KAT6B: variants seen among roughly 807,000 people sequenced by gnomAD.
The protein encoded by KAT6B is histone acetyltransferase KAT6B.
Under a neutral mutation model 187.5 loss-of-function variants are expected in KAT6B, and 10 were observed. The ratio of observed to expected loss-of-function variants is 0.05; its 90% CI spans 0.03 to 0.09. The LOEUF (loss-of-function observed/expected upper bound fraction) is 0.09. KAT6B is among the 10% of genes least tolerant of loss of function. The probability of loss-of-function intolerance (pLI) is 1.00; values close to 1 mark genes in which losing one functional copy is unlikely to be tolerated. For synonymous variants in KAT6B, 861 were observed against 926.8 expected (o/e 0.93, Z 1.29); for missense variants, 1,952 against 2,558.9 (o/e 0.76, Z 5.12).
chr10:74,918,014 T>G (rs918747167), intron 3 of KAT6B, among the ~76,000 whole-genome samples: 1 of 152,180 alleles, frequency 6.6e-6, no homozygotes. Flanking sequence ...TGGCTTAAAT[T>G]TTTTTTAAAT....
At chr10:74,900,635 AG>A (rs1195696942) in intron 3 of KAT6B, among the ~76,000 whole-genome samples, 5 of 152,202 alleles carry the variant, frequency 3.3e-5, no homozygotes, top group Non-Finnish European at 5.9e-5. Context: ...TCAACTGGCT[AG>A]GGGGTGAGGG....
chr10:74,918,890 C>T (rs7097121), intron 3 of KAT6B, among the ~76,000 whole-genome samples: 1 of 151,976 alleles, frequency 6.6e-6, no homozygotes, highest in Admixed American at 6.5e-5. Flanking sequence ...TTGTCAATCT[C>T]AGGTAATTGT....
chr10:74,911,272 CTTT>C (rs766011853), intron 3 of KAT6B, among the ~76,000 whole-genome samples: 5 of 137,650 alleles, frequency 3.6e-5, no homozygotes, highest in Non-Finnish European at 4.8e-5. Context: ...CTTTCTTTTT[CTTT>C]TTTTTTTTTT....
intron 12 of KAT6B, among the ~76,000 whole-genome samples, chr10:74,987,827 G>C (rs1379646092): frequency 6.6e-6 from 1 of 152,200 alleles, no homozygotes; most frequent in African/African-American, 2.4e-5. Flanking sequence ...TCTTAACCCA[G>C]AGTACATTTC....
At chr10:74,847,028 C>T (rs1842157869) in intron 3 of KAT6B, among the ~76,000 whole-genome samples, 1 of 152,106 alleles carries the variant, frequency 6.6e-6, no homozygotes, top group South Asian at 2.1e-4. Context: ...CCTTGCCCGT[C>T]ATTTCTTGCC....
At chr10:74,992,108 T>C (rs573057531) in intron 13 of KAT6B, among the ~76,000 whole-genome samples, 13 of 152,372 alleles carry the variant, frequency 8.5e-5, no homozygotes, top group African/African-American at 3.1e-4. Flanking sequence ...ATTTTATTTC[T>C]ATTTGGTAAA....
At chr10:75,025,430 G>A (rs984636139) in intron 17 of KAT6B, 181 bp downstream of exon 17, 16 of 613,256 alleles carry the variant, frequency 2.6e-5, no homozygotes, top group Middle Eastern at 4.4e-4. Context: ...TCCTGGAATT[G>A]GATTTTATGT....
At chr10:74,939,589 C>T (rs148801300) in intron 3 of KAT6B, among the ~76,000 whole-genome samples, 1 of 151,976 alleles carries the variant, frequency 6.6e-6, no homozygotes, top group African/African-American at 2.4e-5. Flanking sequence ...TTAGTAGAGA[C>T]GGGGTCTCAC....
chr10:74,875,628 G>C (rs1844358740), intron 3 of KAT6B, among the ~76,000 whole-genome samples: 1 of 151,936 alleles, frequency 6.6e-6, no homozygotes, highest in Admixed American at 6.6e-5. Flanking sequence ...ACCACACCCG[G>C]CTAATTTTTG....
In KAT6B at chr10:75,021,284, A is replaced by T; in HGVS notation, c.3020A>T (p.Glu1007Val). 2 of 1,613,992 alleles carry T rather than the reference A, an allele frequency of 1.2e-6. No individual in the cohort carries two copies. Among genetic ancestry groups the T allele is most frequent in the Non-Finnish European group, 1.7e-6 (2 of 1,179,870 alleles). ...GAAGAAGAGCGAGAAGCTGAGAAAG[A>T]GGTAATGATTGTCTTTATCATCCTA... ...VSEEEREAEK[E>V]AERLMEQASC... The change falls in exon 15 of 18, where the codon GAG (glutamate) becomes GTG (valine). Residue 1007 changes from glutamate (E) to valine (V), a missense_variant and splice_region_variant. Transcript: ENST00000287239.
chr10:75,026,316 A>C (rs1845833909), intron 17 of KAT6B, among the ~76,000 whole-genome samples: 1 of 152,134 alleles, frequency 6.6e-6, no homozygotes, highest in Non-Finnish European at 1.5e-5. Flanking sequence ...TCGTCTTTAA[A>C]AGCACCCATC....
intron 3 of KAT6B, among the ~76,000 whole-genome samples, chr10:74,855,071 A>G (rs1842727865): frequency 6.6e-6 from 1 of 152,234 alleles, no homozygotes; most frequent in Admixed American, 6.5e-5. Flanking sequence ...ATGCAGGGAA[A>G]AAGGTACTAT....
chr10:74,924,869 T>C (rs1848379515), intron 3 of KAT6B, among the ~76,000 whole-genome samples: 1 of 152,114 alleles, frequency 6.6e-6, no homozygotes, highest in South Asian at 2.1e-4. Context: ...AATCAGATCA[T>C]GGAATCAGTC....
At chr10:74,845,376 G>T (rs1272428085) in intron 3 of KAT6B, among the ~76,000 whole-genome samples, 6 of 151,712 alleles carry the variant, frequency 4.0e-5, no homozygotes, top group Admixed American at 1.3e-4. Context: ...AAAAAAATTA[G>T]GCAGGCGTGG....
chr10:74,992,953 C>T (rs1025526882), intron 13 of KAT6B, among the ~76,000 whole-genome samples: 3 of 152,138 alleles, frequency 2.0e-5, no homozygotes, highest in Non-Finnish European at 2.9e-5. Flanking sequence ...TGGTTGAGAA[C>T]GCATTCCTTC....
rs984371242 is a variant in KAT6B at position 74,833,065 on chromosome 10, G to A, written c.-328-5618G>A. ...CAGGAGAGTCGTTTGAACCCGGGAG[G>A]CGGAGGTTGCAGTGAGCCGAGATCA... is the stretch of plus-strand genomic sequence containing the variant. On this transcript the variant is annotated intron_variant, in intron 1 of 17. Transcript: ENST00000287239. Among the ~76,000 whole-genome samples, 37 of 150,554 alleles carry A rather than the reference G, an allele frequency of 2.5e-4. 1 individual carries two copies. The highest frequency in any genetic ancestry group is 1.2e-4 in the Non-Finnish European group (8 of 67,762).
intron 3 of KAT6B, among the ~76,000 whole-genome samples, chr10:74,872,696 T>A (rs1482037895): frequency 6.6e-6 from 1 of 151,760 alleles, no homozygotes; most frequent in Non-Finnish European, 1.5e-5. Context: ...TTTTTTTTTT[T>A]TGTAGAGAGG....
chr10:74,933,972 G>A (rs1221134149), intron 3 of KAT6B, among the ~76,000 whole-genome samples: 1 of 152,062 alleles, frequency 6.6e-6, no homozygotes, highest in Non-Finnish European at 1.5e-5. Flanking sequence ...GATCGCCTGA[G>A]TTGAAGAGTT....
intron 13 of KAT6B, among the ~76,000 whole-genome samples, chr10:75,010,027 T>G (rs1844486857): frequency 6.6e-6 from 1 of 152,140 alleles, no homozygotes; most frequent in Non-Finnish European, 1.5e-5. Flanking sequence ...AGTCCCTACA[T>G]GACACCAAGT....
Sources: allele counts gnomAD v4.1 joint callset (sites outside exome capture counted in the v4.1 genomes callset), GRCh38; gene constraint gnomAD v4.1.1; transcripts MANE v1.5; gene names NCBI Gene and HGNC (gene_info 2026-07-23, HGNC 2026-07-21).